CNTNAP3B: variants seen among roughly 807,000 people sequenced by gnomAD.
The protein encoded by CNTNAP3B is contactin-associated protein-like 3B.
In CNTNAP3B, 25 loss-of-function variants were observed where a neutral mutation model predicts 108.9. The observed-to-expected ratio is 0.23, with a 90% CI of 0.17 to 0.32. CNTNAP3B has a LOEUF of 0.32. Ranked by LOEUF, CNTNAP3B falls within the 10% of genes least tolerant of loss-of-function variation. CNTNAP3B has a pLI of 1.00. For missense variants in CNTNAP3B, 252 were observed against 1,210.4 expected (o/e 0.21, Z 11.75); for synonymous variants, 103 against 473.4 (o/e 0.22, Z 10.16).
At chr9:41,951,692 A>C (rs1276808778) in intron 13 of CNTNAP3B, among the ~76,000 whole-genome samples, 1 of 151,872 alleles carries the variant, frequency 6.6e-6, no homozygotes, top group African/African-American at 2.4e-5. Flanking sequence ...TACTAGACCA[A>C]ATTGGCTGGC....
intron 1 of CNTNAP3B, among the ~76,000 whole-genome samples, chr9:42,118,780 T>C (rs1227128604): frequency 9.0e-6 from 1 of 111,264 alleles, no homozygotes; most frequent in Non-Finnish European, 1.8e-5. Flanking sequence ...GAAAACCCCA[T>C]CGTCTCAGCC....
At chr9:41,941,885 C>T (rs1480489707) in intron 13 of CNTNAP3B, among the ~76,000 whole-genome samples, 55 of 152,054 alleles carry the variant, frequency 3.6e-4, no homozygotes, top group Non-Finnish European at 6.9e-4. Context: ...AGAGCCCCAT[C>T]AAGTTCTCAG....
chr9:41,928,677 T>C (rs1004232223), intron 15 of CNTNAP3B, among the ~76,000 whole-genome samples: 56 of 152,278 alleles, frequency 3.7e-4, no homozygotes, highest in African/African-American at 1.3e-3. Context: ...CTCAGACTTC[T>C]CCACGGCAAT....
intron 2 of CNTNAP3B, among the ~76,000 whole-genome samples, chr9:42,087,720 A>C (rs1379482917): frequency 7.2e-6 from 1 of 138,134 alleles, no homozygotes; most frequent in East Asian, 2.2e-4. Context: ...TAATGATTTT[A>C]ATACCAAATG....
At chr9:41,939,208 C>A (rs1269211557) in intron 13 of CNTNAP3B, among the ~76,000 whole-genome samples, 2 of 152,276 alleles carry the variant, frequency 1.3e-5, no homozygotes, top group Non-Finnish European at 2.9e-5. Flanking sequence ...AAGCAGGTGT[C>A]AGGCCACCTA....
intron 1 of CNTNAP3B, among the ~76,000 whole-genome samples, chr9:42,110,523 CTT>C (rs1225092908): frequency 8.8e-6 from 1 of 113,628 alleles, no homozygotes; most frequent in Non-Finnish European, 1.8e-5. Context: ...CAGAAAACCT[CTT>C]TGTTCTAAAA....
chr9:42,066,473 T>A (rs62553636), intron 3 of CNTNAP3B, among the ~76,000 whole-genome samples: 1 of 82,764 alleles, frequency 1.2e-5, no homozygotes, highest in Non-Finnish European at 2.3e-5. Flanking sequence ...GTTGCCCAGG[T>A]TAGAGAGCAG....
chr9:41,933,980 T>C (rs994702428), intron 14 of CNTNAP3B, among the ~76,000 whole-genome samples: 1 of 137,234 alleles, frequency 7.3e-6, no homozygotes, highest in Non-Finnish European at 1.6e-5. Context: ...ATGGCTGCTA[T>C]ATCAAGTTTG....
At chr9:42,094,325 T>C (rs550691412) in intron 2 of CNTNAP3B, among the ~76,000 whole-genome samples, 1 of 134,020 alleles carries the variant, frequency 7.5e-6, no homozygotes, top group South Asian at 2.4e-4. Context: ...AGAATGGTTT[T>C]ACATTTGTAA....
Position 42,104,704 on chromosome 9 carries a change from T to G in CNTNAP3B, c.121A>C (p.Arg41=). 1 of 1,130,518 alleles carries G rather than the reference T, an allele frequency of 8.8e-7. No individual in the cohort carries two copies. Among genetic ancestry groups the G allele is most frequent in the Non-Finnish European group, 1.2e-6 (1 of 837,630 alleles). The allele number at this position is 1,130,518 out of a possible 1,614,324, so 70.0% of individuals were successfully genotyped here. The change falls in exon 2 of 24, where the codon AGG becomes CGG. Residue 41 remains arginine (R), a synonymous_variant. Coordinates refer to ENST00000377561, the MANE Select transcript of CNTNAP3B (RefSeq NM_001201380.3). ...CDSPLASALP[R]SSFSSSSELS... Reference sequence around the variant, plus strand: ...TCTGAGGAGCTGCTGAAGGATGACCTAGGCAAGGCAGAGGCCAGTGGGGAA... The same window carrying G: ...TCTGAGGAGCTGCTGAAGGATGACCGAGGCAAGGCAGAGGCCAGTGGGGAA...
chr9:41,934,713 G>C lies in CNTNAP3B; in HGVS notation c.2237+3531C>G, dbSNP rs1374556171. Reference sequence around the variant, plus strand: ...TTGGTAAATATTTTCTATTCTTTTAGTTTCAACTTCACCGAGTGCTTATAT... The same window carrying C: ...TTGGTAAATATTTTCTATTCTTTTACTTTCAACTTCACCGAGTGCTTATAT... On this transcript the variant is annotated intron_variant, in intron 14 of 23. Coordinates refer to ENST00000377561, the MANE Select transcript of CNTNAP3B (RefSeq NM_001201380.3). Among the ~76,000 whole-genome samples the C allele has an allele frequency of 2.6e-5, 4 of 152,376 alleles. No homozygotes were observed. The East Asian group carries it at 5.8e-4, about 22-fold the overall frequency.
intron 3 of CNTNAP3B, among the ~76,000 whole-genome samples, chr9:42,035,782 T>A (rs1275922679): frequency 6.6e-6 from 1 of 150,594 alleles, no homozygotes; most frequent in Non-Finnish European, 1.5e-5. Context: ...ATTAGCCTCC[T>A]GAGCAGCTGG....
intron 11 of CNTNAP3B, among the ~76,000 whole-genome samples, chr9:41,962,036 G>A (rs1193424935): frequency 2.0e-5 from 3 of 152,258 alleles, no homozygotes; most frequent in Non-Finnish European, 4.4e-5. Context: ...AAATATTGAG[G>A]AAAGTGACTA....
chr9:42,075,835 AC>A (rs1287248864), intron 3 of CNTNAP3B, among the ~76,000 whole-genome samples: 7 of 46,722 alleles, frequency 1.5e-4, no homozygotes, highest in South Asian at 1.6e-3. Flanking sequence ...TGTAATAAAT[AC>A]TTATTATTAT....
chr9:41,963,943 T>G (rs1825184758), intron 11 of CNTNAP3B, among the ~76,000 whole-genome samples: 1 of 151,968 alleles, frequency 6.6e-6, no homozygotes, highest in Non-Finnish European at 1.5e-5. Context: ...ACATTAATAC[T>G]TTTACAATTA....
At chr9:42,090,961 AATAT>A (rs1171399773) in intron 2 of CNTNAP3B, among the ~76,000 whole-genome samples, 4 of 38,670 alleles carry the variant, frequency 1.0e-4, no homozygotes, top group Admixed American at 3.7e-4. Context: ...ACTCTCTCTA[AATAT>A]ATATATATAC....
intron 2 of CNTNAP3B, among the ~76,000 whole-genome samples, chr9:42,095,804 C>T (rs1027106041): frequency 7.3e-6 from 1 of 136,130 alleles, no homozygotes; most frequent in African/African-American, 3.0e-5. Flanking sequence ...CCCCTTCATC[C>T]CCAGAGTTAA....
chr9:41,923,171 A>G (rs1823715618), intron 16 of CNTNAP3B, among the ~76,000 whole-genome samples: 1 of 139,980 alleles, frequency 7.1e-6, no homozygotes, highest in Non-Finnish European at 1.6e-5. Context: ...ACCCATAGCT[A>G]TGTACCCATA....
chr9:42,012,482 CGTT>C (rs1826147905), intron 4 of CNTNAP3B, among the ~76,000 whole-genome samples: 1 of 106,704 alleles, frequency 9.4e-6, no homozygotes, highest in Admixed American at 9.8e-5. Flanking sequence ...GAATGACAGA[CGTT>C]GTTATCATGC....
Sources: gnomAD v4.1 joint callset for allele counts (sites outside exome capture counted in the v4.1 genomes callset) on GRCh38, gnomAD v4.1.1 for gene constraint, MANE v1.5 for transcripts, NCBI Gene and HGNC (gene_info 2026-07-23, HGNC 2026-07-21) for gene names.